The following KLF10 variants were observed in gnomAD, a reference collection of about 807,000 sequenced individuals.
KLF10 encodes the protein Krueppel-like factor 10.
KLF10 carries 17 observed loss-of-function variants against 31.6 expected under a neutral mutation model. The observed-to-expected ratio is 0.54, with a 90% CI of 0.37 to 0.81. The LOEUF is 0.81. Ranked by LOEUF, KLF10 falls within the 30% of genes least tolerant of loss-of-function variation. The pLI is 0.00. For synonymous variants in KLF10, 239 were observed against 215.1 expected, an observed-to-expected ratio of 1.11 and a Z score of -0.97; for missense variants, 525 against 598.1, an observed-to-expected ratio of 0.88 and a Z score of 1.27.
chr8:102,653,346 T>C (rs939599475), intron 1 of KLF10: 5 of 828,022 alleles, frequency 6.0e-6, no homozygotes, highest in East Asian at 3.2e-5. Flanking sequence ...GAATCTATTT[T>C]AATTCCTTAA....
intron 1 of KLF10, chr8:102,653,509 T>A (rs1430943693): frequency 6.5e-7 from 1 of 1,535,094 alleles, no homozygotes; most frequent in Non-Finnish European, 8.7e-7. Flanking sequence ...CTGTCCAGAC[T>A]CGTTTGGTCA....
Position 102,650,206 on chromosome 8 carries a change from G to C in KLF10, c.1369C>G (p.Leu457Val). 4.3e-6 allele frequency: 7 copies of C among 1,614,232 alleles called. No individual in the cohort carries two copies. The highest frequency in any genetic ancestry group is 5.9e-6 in the Non-Finnish European group (7 of 1,180,036). ...HARRHLSAKK[L>V]PNWQMEVSKL... The stretch of plus-strand genomic sequence containing the variant: ...CTCACTTCCATCTGCCAGTTTGGTA[G>C]CTTCTTGGCTGATAGATGGCGCCGG... Residue 457 changes from leucine to valine, a missense_variant, in exon 4 of 4, where the codon CTA becomes GTA. By Grantham distance (32) the Leu-to-Val change is conservative. This residue lies in a region of KLF10 where 42 missense variants were observed against 42.4 expected (regional missense o/e 0.99). Transcript: ENST00000285407.
In KLF10 at chr8:102,651,994, G is replaced by A. The variant is rs747036458; in HGVS notation, c.338C>T (p.Ala113Val). ...TGACTTGAAGTGTACAGTAGATGGC[G>A]CTGGTGCCATCAGATTTGACACTTG... Reference protein sequence around the residue: ...PSQVSNLMAPAPSTVHFKSLS... With the variant: ...PSQVSNLMAPVPSTVHFKSLS... Residue 113 changes from alanine to valine, a missense_variant, in exon 3 of 4, where the codon GCG becomes GTG. Physicochemically the swap from Ala to Val is moderately conservative, Grantham distance 64. This residue lies in a region of KLF10 where 434 missense variants were observed against 450.7 expected (regional missense o/e 0.96). Coordinates refer to ENST00000285407, the MANE Select transcript of KLF10 (RefSeq NM_005655.4). 1.9e-6 allele frequency: 3 copies of A among 1,613,716 alleles called. No homozygotes were observed. Among genetic ancestry groups the A allele is most frequent in the Middle Eastern group, 1.7e-4 (1 of 6,060 alleles).
chr8:102,652,263 C>T lies in KLF10; in HGVS notation c.171G>A (p.Lys57=). 1 of 1,613,546 alleles carries T rather than the reference C, an allele frequency of 6.2e-7. No homozygotes were observed. Among genetic ancestry groups the T allele is most frequent in the Non-Finnish European group, 8.5e-7 (1 of 1,179,632 alleles). The change falls in exon 2 of 4, where the codon AAG becomes AAA. Residue 57 remains lysine, a synonymous_variant. Coordinates refer to ENST00000285407, the MANE Select transcript of KLF10 (RefSeq NM_005655.4). ...TAACAGGTCTGTTTTCAACGTATTT[C>T]TTAAAATCAGACTTCCAACTGCAGC... ...SMSCSWKSDF[K]KYVENRPVTP...
chr8:102,655,422 C>A, intron 1 of KLF10, 144 bp downstream of exon 1: 1 of 1,023,770 alleles, frequency 9.8e-7, no homozygotes, highest in Non-Finnish European at 1.5e-6. Context: ...AGTCTGCAGG[C>A]AGGAAGCCCT....
rs1049428418 is a variant in KLF10 at position 102,655,658 on chromosome 8, T to C, written c.-57A>G. On this transcript the variant is annotated 5_prime_UTR_variant, in exon 1 of 4. Transcript: ENST00000285407. ...ACTGGCTGCTAGGCTGCTGGCTGCT[T>C]GGCCACAGACGGGCGCACGGAGACA... is the stretch of plus-strand genomic sequence containing the variant. 3.7e-5 allele frequency: 59 copies of C among 1,603,468 alleles called. 1 individual carries two copies. In the South Asian group the frequency reaches 6.5e-4, roughly 18 times the overall value.
intron 1 of KLF10, among the ~76,000 whole-genome samples, chr8:102,652,835 A>G (rs917041482): frequency 2.0e-5 from 3 of 152,190 alleles, no homozygotes; most frequent in African/African-American, 7.2e-5. Flanking sequence ...CAAAAAAACT[A>G]AGAGTGCGGC....
chr8:102,653,947 G>A, intron 1 of KLF10: 1 of 988,032 alleles, frequency 1.0e-6, no homozygotes, highest in Non-Finnish European at 1.2e-6. Context: ...CGACGGATGG[G>A]GCCGCCCTAA....
Position 102,649,287 on chromosome 8 carries a change from A to G in KLF10, c.*845T>C, listed in dbSNP as rs1260302433. The G allele has an allele frequency of 6.6e-6, 1 of 152,288 alleles. No homozygotes were observed. The highest frequency in any genetic ancestry group is 1.5e-5 in the Non-Finnish European group (1 of 68,020). The allele number at this position is 152,288 out of a possible 1,614,324, so 9.4% of individuals were successfully genotyped here. On this transcript the variant is annotated 3_prime_UTR_variant, in exon 4 of 4. Coordinates refer to ENST00000285407, the MANE Select transcript of KLF10 (RefSeq NM_005655.4). ...AGATTCTTAATATCCCTTCTTTACAATATATATTTCATCTTCAGTTTTTTT... is the reference window on the plus strand; with the variant it reads ...AGATTCTTAATATCCCTTCTTTACAGTATATATTTCATCTTCAGTTTTTTT...
chr8:102,652,559 G>C (rs1168594078), intron 1 of KLF10, among the ~76,000 whole-genome samples, 162 bp from the exon 2 acceptor site: 1 of 149,852 alleles, frequency 6.7e-6, no homozygotes, highest in Admixed American at 6.7e-5. Context: ...TGATACTAAG[G>C]AAGTTCAGCT....
At chr8:102,652,139 C>G in intron 2 of KLF10, 25 bp downstream of exon 2, 2 of 1,502,974 alleles carry the variant, frequency 1.3e-6, no homozygotes, top group Non-Finnish European at 8.9e-7. Flanking sequence ...TAATTTACGT[C>G]TATCTTAAAA....
chr8:102,654,730 C>A (rs1827318235), intron 1 of KLF10, among the ~76,000 whole-genome samples: 1 of 151,630 alleles, frequency 6.6e-6, no homozygotes, highest in Non-Finnish European at 1.5e-5. Context: ...CAGGCCCCGG[C>A]TCCAGACGCG....
intron 1 of KLF10, chr8:102,653,818 G>A: frequency 9.6e-7 from 1 of 1,038,788 alleles, no homozygotes; most frequent in Non-Finnish European, 1.2e-6. Flanking sequence ...GGGAAACAGG[G>A]AGGGGAGGAA....
At position 102,651,867 on chromosome 8, in the gene KLF10, C is replaced by G. The variant is rs778269236; in HGVS notation, c.465G>C (p.Val155=). 6.2e-7 allele frequency: 1 copy of G among 1,614,198 alleles called. No individual in the cohort carries two copies. Among genetic ancestry groups the G allele is most frequent in the South Asian group, 1.1e-5 (1 of 91,080 alleles). The stretch of plus-strand genomic sequence containing the variant: ...GCTGGGCATCAGCTGTATGACGAAT[C>G]ACACTTGTTGCCTGAGCTTTGGGGA... ...PKLPKAQATS[V]IRHTADAQLC... is the part of the protein sequence containing the mutation. Residue 155 remains valine, a synonymous_variant, in exon 3 of 4, where the codon GTG becomes GTC. Coordinates refer to ENST00000285407, the MANE Select transcript of KLF10 (RefSeq NM_005655.4).
Position 102,651,986 on chromosome 8 carries a change from T to C in KLF10, c.346A>G (p.Thr116Ala). 1.2e-6 allele frequency: 2 copies of C among 1,613,972 alleles called. No homozygotes were observed. Among genetic ancestry groups the C allele is most frequent in the Non-Finnish European group, 1.7e-6 (2 of 1,179,994 alleles). The part of the protein sequence containing the change: ...VSNLMAPAPS[T>A]VHFKSLSDTA... ...TCTGAGAGTGACTTGAAGTGTACAGTAGATGGCGCTGGTGCCATCAGATTT... is the reference window on the plus strand; with the variant it reads ...TCTGAGAGTGACTTGAAGTGTACAGCAGATGGCGCTGGTGCCATCAGATTT... Residue 116 changes from threonine (T) to alanine (A), a missense_variant, in exon 3 of 4, where the codon ACT becomes GCT. Transcript: ENST00000285407.
rs185801236 is a variant in KLF10 at position 102,651,132 on chromosome 8, T to G, written c.1183+17A>C. On this transcript the variant is annotated intron_variant, in intron 3 of 3. Coordinates refer to ENST00000285407, the MANE Select transcript of KLF10 (RefSeq NM_005655.4). ...TCTCTTCATTTAAACACTAAAGATA[T>G]AAGAAGTGGCTGGTACCTGTGTGCG... 7.4e-6 allele frequency: 11 copies of G among 1,493,698 alleles called. No homozygotes were observed. Among genetic ancestry groups the G allele is most frequent in the Non-Finnish European group, 9.8e-6 (11 of 1,120,384 alleles). The allele number at this position is 1,493,698 out of a possible 1,614,324, so 92.5% of individuals were successfully genotyped here.
intron 1 of KLF10, chr8:102,653,602 T>A (rs1827269984): frequency 7.3e-7 from 1 of 1,362,626 alleles, no homozygotes; most frequent in African/African-American, 1.5e-5. Context: ...CAAAAATGCA[T>A]GATGCCTTCG....
At position 102,651,944 on chromosome 8, in the gene KLF10, T is replaced by C. The variant is rs1364273136; in HGVS notation, c.388A>G (p.Ile130Val). Residue 130 changes from isoleucine to valine, a missense_variant, in exon 3 of 4, where the codon ATT becomes GTT. Ile to Val is a conservative substitution (Grantham distance 29). Around this residue, in one of 3 missense-constraint regions of KLF10, gnomAD observed 434 missense variants for 450.7 expected, o/e 0.96. Transcript: ENST00000285407. ...TCTTCCTCTTTGAAAGGTGCGGCAA[T>C]GTGAGGTTTGGCAGTATCTGAGAGT... ...KSLSDTAKPH[I>V]AAPFKEEEKS... The C allele has an allele frequency of 5.6e-6, 9 of 1,613,988 alleles. No homozygotes were observed. The South Asian group carries it at 9.9e-5, about 18-fold the overall frequency.
Position 102,649,401 on chromosome 8 carries a change from A to T in KLF10, c.*731T>A, listed in dbSNP as rs977972640. The T allele has an allele frequency of 2.0e-5, 3 of 152,254 alleles. No individual in the cohort carries two copies. Among genetic ancestry groups the T allele is most frequent in the African/African-American group, 7.2e-5 (3 of 41,472 alleles). The allele number at this position is 152,254 out of a possible 1,614,324, so 9.4% of individuals were successfully genotyped here. A position where few individuals can be genotyped will look rare whatever the true frequency, so the allele number is the denominator to read the frequency against. Reference sequence around the variant, plus strand: ...CTACACAAGAAACTGCAGGCAAACTAAAGTTCAAAGCATAATGAAATGCCT... The same window carrying T: ...CTACACAAGAAACTGCAGGCAAACTTAAGTTCAAAGCATAATGAAATGCCT... On this transcript the variant is annotated 3_prime_UTR_variant, in exon 4 of 4. Transcript: ENST00000285407.
Sources: allele counts gnomAD v4.1 joint callset (sites outside exome capture counted in the v4.1 genomes callset), GRCh38; gene constraint gnomAD v4.1.1; regional missense constraint gnomAD v4.1.1; transcripts MANE v1.5; gene names NCBI Gene and HGNC (gene_info 2026-07-23, HGNC 2026-07-21).